The following RGS12 variants were observed in gnomAD, a reference collection of about 807,000 sequenced individuals.
RGS12 encodes regulator of G-protein signaling 12.
A neutral mutation model predicts 120.1 loss-of-function variants in RGS12; 66 were observed. The observed-to-expected ratio is 0.55, with a 90% CI of 0.45 to 0.67. The LOEUF (loss-of-function observed/expected upper bound fraction) is 0.67. Among genes scored for constraint, RGS12 ranks in the 30% least tolerant of loss-of-function variants. The pLI, the probability that RGS12 is intolerant of heterozygous loss-of-function variation, is 0.00. For synonymous variants in RGS12, 827 were observed against 804.7 expected (o/e 1.03, Z -0.47); for missense variants, 1,859 against 1,957.7 (o/e 0.95, Z 0.95).
chr4:3,358,777 G>A (rs1715134654), intron 3 of RGS12, among the ~76,000 whole-genome samples: 2 of 151,732 alleles, frequency 1.3e-5, no homozygotes, highest in Non-Finnish European at 2.9e-5. Context: ...ATGAATATTG[G>A]TCTCTAGTTT....
rs1716257917 is a variant in RGS12, at chr4:3,365,923, G to A, written c.1999-20493G>A. ...TTTGTTGAACACCTACTATGTGCCC[G>A]ACATTATTTTGGCTCTGGGGAGGCA... is the stretch of plus-strand genomic sequence containing the variant. On this transcript the variant is annotated intron_variant, in intron 3 of 17. Transcript: ENST00000336727. This position sits in a 1 kb window ranked among gnomAD's most constrained non-coding sequence, Gnocchi z 4.0. Among the ~76,000 whole-genome samples the A allele has an allele frequency of 6.6e-6, 1 of 152,154 alleles. No homozygotes were observed. The highest frequency in any genetic ancestry group is 1.5e-5 in the Non-Finnish European group (1 of 68,036).
chr4:3,439,654 G>A lies in RGS12; in HGVS notation c.4314G>A (p.Lys1438=). 1 of 1,566,028 alleles carries A rather than the reference G, an allele frequency of 6.4e-7. No homozygotes were observed. Among genetic ancestry groups the A allele is most frequent in the Non-Finnish European group, 8.6e-7 (1 of 1,156,402 alleles). Residue 1438 remains lysine (K), a synonymous_variant, in exon 18 of 18, where the codon AAG becomes AAA. Transcript: ENST00000336727. ...GPVPGEPAKP[K]TSAHHATFV ...TCCCGGGTGAGCCTGCTAAGCCCAAGACCAGCGCTCACCACGCCACCTTCG... is the reference window on the plus strand; with the variant it reads ...TCCCGGGTGAGCCTGCTAAGCCCAAAACCAGCGCTCACCACGCCACCTTCG...
chr4:3,381,667 A>G (rs959765159), intron 3 of RGS12, among the ~76,000 whole-genome samples: 4 of 152,214 alleles, frequency 2.6e-5, no homozygotes, highest in African/African-American at 9.6e-5. Flanking sequence ...CATGAGGGTA[A>G]CTGTTCCCAT....
At chr4:3,429,230 G>T (rs984872551) in intron 16 of RGS12, among the ~76,000 whole-genome samples, 1 of 152,214 alleles carries the variant, frequency 6.6e-6, no homozygotes, top group Non-Finnish European at 1.5e-5. Context: ...GAGACAACAG[G>T]CACACTGGAA....
chr4:3,402,636 C>T (rs1397190256), intron 4 of RGS12, among the ~76,000 whole-genome samples: 5 of 142,746 alleles, frequency 3.5e-5, no homozygotes, highest in South Asian at 2.1e-4. Context: ...CATTGGGTGG[C>T]GTCCTCTGCG....
At chr4:3,416,250 C>T (rs1022814771) in intron 7 of RGS12, 129 bp downstream of exon 7, 18 of 1,079,704 alleles carry the variant, frequency 1.7e-5, no homozygotes, top group South Asian at 3.3e-5. Flanking sequence ...GGTAGAGAAA[C>T]GCAGACAGAA....
chr4:3,419,100 G>T (rs1252429256), intron 9 of RGS12: 1 of 151,976 alleles, frequency 6.6e-6, no homozygotes, highest in African/African-American at 2.4e-5. Flanking sequence ...GGAGGCTGAG[G>T]TGGGCAGATC....
chr4:3,417,895 A>G (rs894944525), intron 9 of RGS12: 5 of 213,400 alleles, frequency 2.3e-5, no homozygotes, highest in Non-Finnish European at 3.7e-5. Flanking sequence ...AAATTTGGAA[A>G]ATACAATCAA....
chr4:3,399,200 G>GA (rs1423191693), intron 4 of RGS12, among the ~76,000 whole-genome samples: 1 of 152,072 alleles, frequency 6.6e-6, no homozygotes, highest in African/African-American at 2.4e-5. Context: ...GAAAATATAG[G>GA]AAATAAGTTT....
chr4:3,347,895 T>C (rs1035921457), intron 3 of RGS12, among the ~76,000 whole-genome samples: 5 of 152,192 alleles, frequency 3.3e-5, no homozygotes, highest in Non-Finnish European at 7.4e-5. Context: ...TCTGAGAGTT[T>C]TATACAATTT....
chr4:3,353,302 G>A (rs1341492021), intron 3 of RGS12, among the ~76,000 whole-genome samples: 3 of 152,182 alleles, frequency 2.0e-5, no homozygotes. Flanking sequence ...GAATGGAAAA[G>A]AAGGCATTCC....
intron 17 of RGS12, among the ~76,000 whole-genome samples, chr4:3,437,421 C>G (rs28718788): frequency 0.019 from 2,887 of 152,280 alleles, 93 homozygotes; most frequent in African/African-American, 0.067. Flanking sequence ...CCTTCAGAGC[C>G]CTATGAACAC....
chr4:3,345,916 G>C (rs890677240), intron 3 of RGS12, among the ~76,000 whole-genome samples: 5 of 152,090 alleles, frequency 3.3e-5, no homozygotes, highest in African/African-American at 1.2e-4. Flanking sequence ...CTTTTTTGGT[G>C]TGTGTGTACT....
intron 3 of RGS12, among the ~76,000 whole-genome samples, chr4:3,380,953 A>T (rs1278825805): frequency 2.0e-5 from 3 of 152,146 alleles, no homozygotes; most frequent in African/African-American, 7.2e-5. Context: ...CTCCCCAGAA[A>T]ATTTTTTCTT....
chr4:3,342,986 C>A lies in RGS12; in HGVS notation c.1931C>A (p.Thr644Lys). 3 of 1,613,864 alleles carry A rather than the reference C, an allele frequency of 1.9e-6. No individual in the cohort carries two copies. Among genetic ancestry groups the A allele is most frequent in the Non-Finnish European group, 1.7e-6 (2 of 1,179,964 alleles). Reference sequence around the variant, plus strand: ...GGACTCACTCAGCCTTCTCAACGCACGTCTGCTCGGAGATCATTTGGGAGA... The same window carrying A: ...GGACTCACTCAGCCTTCTCAACGCAAGTCTGCTCGGAGATCATTTGGGAGA... ...GTGLTQPSQRTSARRSFGRSK... is the reference protein window; with the variant it reads ...GTGLTQPSQRKSARRSFGRSK... The change falls in exon 3 of 18, where the codon ACG (threonine) becomes AAG (lysine). Residue 644 changes from threonine (T) to lysine (K), a missense_variant. By Grantham distance (78) the Thr-to-Lys change is moderately conservative. Transcript: ENST00000336727.
chr4:3,323,388 G>C (rs1412141808), intron 2 of RGS12, among the ~76,000 whole-genome samples: 1 of 152,208 alleles, frequency 6.6e-6, no homozygotes, highest in Non-Finnish European at 1.5e-5. Flanking sequence ...CCTCTGCCCC[G>C]CTCCGCGCGG....
At chr4:3,339,339 G>A (rs1356994248) in intron 2 of RGS12, among the ~76,000 whole-genome samples, 4 of 152,140 alleles carry the variant, frequency 2.6e-5, no homozygotes, top group Admixed American at 2.0e-4. Context: ...AACATTAGCC[G>A]GGCCTGTTGG....
chr4:3,424,852 G>A (rs777708033), intron 13 of RGS12, among the ~76,000 whole-genome samples: 3 of 152,244 alleles, frequency 2.0e-5, no homozygotes, highest in Admixed American at 6.5e-5. Context: ...GGCCCACCAC[G>A]CCTGCCCAGC....
chr4:3,402,030 C>G (rs1310961995), intron 4 of RGS12, among the ~76,000 whole-genome samples: 1 of 152,236 alleles, frequency 6.6e-6, no homozygotes, highest in African/African-American at 2.4e-5. Context: ...GCAGCAGGCC[C>G]TGGAGCCCGT....
Sources: allele counts gnomAD v4.1 joint callset (sites outside exome capture counted in the v4.1 genomes callset), GRCh38; gene constraint gnomAD v4.1.1; non-coding constraint Gnocchi (gnomAD v3.1); transcripts MANE v1.5; gene names NCBI Gene and HGNC (gene_info 2026-07-23, HGNC 2026-07-21).